The following DAPK1 variants were observed in gnomAD, a reference collection of about 807,000 sequenced individuals.
DAPK1 encodes the protein death-associated protein kinase 1.
In DAPK1, 56 loss-of-function variants were observed where a neutral mutation model predicts 144.9. The observed-to-expected ratio is 0.39, with a 90% CI of 0.31 to 0.48. The LOEUF (loss-of-function observed/expected upper bound fraction) is 0.48. Ranked by LOEUF, DAPK1 falls within the 20% of genes least tolerant of loss-of-function variation. The pLI, the probability that DAPK1 is intolerant of heterozygous loss-of-function variation, is 0.95. For missense variants in DAPK1, 1,454 were observed against 1,875.4 expected (o/e 0.78, Z 4.15); for synonymous variants, 690 against 749.0 (o/e 0.92, Z 1.29).
At chr9:87,633,251 G>A (rs1829776737) in intron 3 of DAPK1, 1 of 984,652 alleles carries the variant, frequency 1.0e-6, no homozygotes, top group African/African-American at 1.8e-5. Context: ...GAGTCCATAT[G>A]TAGAAATGAA....
chr9:87,562,426 C>T (rs1461486199), intron 2 of DAPK1, among the ~76,000 whole-genome samples: 5 of 152,132 alleles, frequency 3.3e-5, no homozygotes, highest in African/African-American at 1.2e-4. Context: ...TTGAGGCTTT[C>T]GTCGGGAACC....
intron 2 of DAPK1, among the ~76,000 whole-genome samples, chr9:87,522,213 A>AT (rs200967946): frequency 2.0e-5 from 3 of 152,174 alleles, no homozygotes. Context: ...CAAGAGTTAT[A>AT]TTTTTTTTCT....
At chr9:87,640,243 T>C in intron 7 of DAPK1, 55 bp from the exon 8 acceptor site, 1 of 1,544,408 alleles carries the variant, frequency 6.5e-7, no homozygotes, top group Non-Finnish European at 8.8e-7. Flanking sequence ...AGGAGCAAAA[T>C]GACAACACCA....
At chr9:87,600,841 G>A (rs1429299570) in intron 2 of DAPK1, among the ~76,000 whole-genome samples, 1 of 152,210 alleles carries the variant, frequency 6.6e-6, no homozygotes, top group Non-Finnish European at 1.5e-5. Flanking sequence ...GGTGTGAGGA[G>A]GGGGCAGAAG....
intron 2 of DAPK1, among the ~76,000 whole-genome samples, chr9:87,596,736 G>A (rs1235802103): frequency 2.6e-5 from 4 of 152,168 alleles, no homozygotes; most frequent in African/African-American, 4.8e-5. Flanking sequence ...CTTCTGGGGC[G>A]ATCTGTTAAA....
intron 2 of DAPK1, among the ~76,000 whole-genome samples, chr9:87,570,895 C>T (rs1348445651): frequency 1.3e-5 from 2 of 152,072 alleles, no homozygotes; most frequent in South Asian, 2.1e-4. Flanking sequence ...GCTTCCCTTG[C>T]TTACATGTGG....
chr9:87,625,627 A>G (rs1325432843), intron 3 of DAPK1, among the ~76,000 whole-genome samples: 2 of 152,342 alleles, frequency 1.3e-5, no homozygotes, highest in South Asian at 2.1e-4. Context: ...GTGAGATGCC[A>G]TCTGCTGCTC....
chr9:87,584,693 T>TGTGA (rs1306879916), intron 2 of DAPK1, among the ~76,000 whole-genome samples: 10 of 150,652 alleles, frequency 6.6e-5, no homozygotes, highest in Admixed American at 4.6e-4. Context: ...TGTGTGTGTT[T>TGTGA]GAGATGGAGT....
At chr9:87,654,687 T>A (rs1448096501) in intron 17 of DAPK1, among the ~76,000 whole-genome samples, 1 of 152,168 alleles carries the variant, frequency 6.6e-6, no homozygotes, top group Non-Finnish European at 1.5e-5. Context: ...TTTAAATGAA[T>A]CAAAAGCAGC....
chr9:87,683,075 T>A (rs1244737720), intron 20 of DAPK1, among the ~76,000 whole-genome samples: 2 of 113,488 alleles, frequency 1.8e-5, no homozygotes, highest in African/African-American at 5.6e-5. Context: ...GAAAAAAATT[T>A]ATTTTATTTA....
chr9:87,706,651 A>G lies in DAPK1; in HGVS notation c.3580A>G (p.Ile1194Val). 1.2e-6 allele frequency: 2 copies of G among 1,612,550 alleles called. No homozygotes were observed. Among genetic ancestry groups the G allele is most frequent in the Non-Finnish European group, 1.7e-6 (2 of 1,179,398 alleles). The change falls in exon 26 of 26, where the codon ATT becomes GTT. Residue 1194 changes from isoleucine (I) to valine (V), a missense_variant. Physicochemically the swap from Ile to Val is conservative, Grantham distance 29 (BLOSUM62 3). Transcript: ENST00000408954. The surrounding 1 kb of genome is among the most constrained non-coding windows in gnomAD (Gnocchi z 9.0). ...GCTGCTGGTCAACCACGGCCAGGGCATTGAGGTCCAGGTCCGCGGCCTGGA... is the reference window on the plus strand; with the variant it reads ...GCTGCTGGTCAACCACGGCCAGGGCGTTGAGGTCCAGGTCCGCGGCCTGGA... ...LVLLVNHGQGIEVQVRGLETE... is the reference protein window; with the variant it reads ...LVLLVNHGQGVEVQVRGLETE...
chr9:87,518,105 GTTTTTTTTTT>G (rs1178414186), intron 2 of DAPK1, among the ~76,000 whole-genome samples: 36 of 35,614 alleles, frequency 1.0e-3, no homozygotes, highest in Non-Finnish European at 3.6e-3. Flanking sequence ...TTATGTTGTT[GTTTTTTTTTT>G]TTTTTTTTTT....
At chr9:87,705,456 A>G (rs1490987378) in intron 25 of DAPK1, among the ~76,000 whole-genome samples, 2 of 152,032 alleles carry the variant, frequency 1.3e-5, no homozygotes, top group African/African-American at 4.8e-5. Context: ...TCCTGACCTC[A>G]AGTGATCCAC....
At chr9:87,520,569 C>A (rs910401639) in intron 2 of DAPK1, among the ~76,000 whole-genome samples, 8 of 152,122 alleles carry the variant, frequency 5.3e-5, no homozygotes, top group Admixed American at 5.2e-4. Context: ...TTTAAAAATC[C>A]GCCACTTTGG....
At chr9:87,656,655 C>T (rs777929385) in intron 17 of DAPK1, among the ~76,000 whole-genome samples, 1 of 152,224 alleles carries the variant, frequency 6.6e-6, no homozygotes, top group African/African-American at 2.4e-5. Context: ...TGCCTAGCCT[C>T]CCGCCTCAGT....
chr9:87,586,262 C>T (rs1827939878), intron 2 of DAPK1, among the ~76,000 whole-genome samples: 1 of 152,102 alleles, frequency 6.6e-6, no homozygotes, highest in Non-Finnish European at 1.5e-5. Flanking sequence ...TGCACTCCAG[C>T]CTGGGCAACA....
intron 2 of DAPK1, among the ~76,000 whole-genome samples, chr9:87,575,266 TA>T (rs936714535): frequency 7.8e-6 from 1 of 127,540 alleles, no homozygotes; most frequent in Non-Finnish European, 1.7e-5. Flanking sequence ...TAAAATAAAA[TA>T]AAATAAAGGT....
rs566418473 is a variant in DAPK1, at chr9:87,650,670, A to C, written c.1626+552A>C. On this transcript the variant is annotated intron_variant, in intron 16 of 25. Coordinates refer to ENST00000408954, the MANE Select transcript of DAPK1 (RefSeq NM_004938.4). ...TTTGGGATTCTGTAGTTAATTTAAT[A>C]TCTGCCCTTTGTGAAGTTATTTTCT... 7.2e-5 allele frequency among the ~76,000 whole-genome samples: 11 copies of C among 152,310 alleles called. No individual in the cohort carries two copies. In the East Asian group the frequency reaches 1.9e-3, roughly 27 times the overall value.
At chr9:87,593,058 C>A (rs1828191819) in intron 2 of DAPK1, among the ~76,000 whole-genome samples, 1 of 152,322 alleles carries the variant, frequency 6.6e-6, no homozygotes, top group East Asian at 1.9e-4. Flanking sequence ...CACTCACTGC[C>A]TCCCTGAGAC....
Sources: allele counts gnomAD v4.1 joint callset (sites outside exome capture counted in the v4.1 genomes callset), GRCh38; gene constraint gnomAD v4.1.1; non-coding constraint Gnocchi (gnomAD v3.1); transcripts MANE v1.5; gene names NCBI Gene and HGNC (gene_info 2026-07-23, HGNC 2026-07-21).